Variants in ROBO2 observed in about 807,000 individuals in gnomAD.
The protein encoded by ROBO2 is roundabout homolog 2.
A neutral mutation model predicts 160.8 loss-of-function variants in ROBO2; 53 were observed. That is an observed-to-expected ratio of 0.33 (90% CI 0.26 to 0.41). The LOEUF (loss-of-function observed/expected upper bound fraction) is 0.41. Ranked by LOEUF, ROBO2 falls within the 10% of genes least tolerant of loss-of-function variation. The probability of loss-of-function intolerance (pLI) is 1.00; values close to 1 mark genes in which losing one functional copy is unlikely to be tolerated. For missense variants in ROBO2, 1,577 were observed against 1,722.4 expected (o/e 0.92, Z 1.49); for synonymous variants, 664 against 611.7 (o/e 1.09, Z -1.26).
chr3:77,164,429 A>G (rs1293717265), intron 2 of ROBO2, among the ~76,000 whole-genome samples: 2 of 110,784 alleles, frequency 1.8e-5, no homozygotes, highest in African/African-American at 6.8e-5. Flanking sequence ...CCCGTCCGGG[A>G]GGGAGGTGGG....
chr3:77,247,455 A>T (rs1222351758), intron 2 of ROBO2, among the ~76,000 whole-genome samples: 1 of 152,192 alleles, frequency 6.6e-6, no homozygotes. Flanking sequence ...TGTACTCTAC[A>T]CGTGGAGGCT....
chr3:76,865,434 T>A (rs1449120844), intron 2 of ROBO2, among the ~76,000 whole-genome samples: 1 of 152,116 alleles, frequency 6.6e-6, no homozygotes, highest in Non-Finnish European at 1.5e-5. Flanking sequence ...CTCTGCACAC[T>A]GGTAACAAGC....
At chr3:76,635,496 G>T (rs575684376) in intron 2 of ROBO2, among the ~76,000 whole-genome samples, 1 of 152,192 alleles carries the variant, frequency 6.6e-6, no homozygotes, top group Non-Finnish European at 1.5e-5. Flanking sequence ...CATATTGTAC[G>T]TAAATGGCTG....
intron 2 of ROBO2, among the ~76,000 whole-genome samples, chr3:76,044,926 C>G: frequency 6.6e-6 from 1 of 151,892 alleles, no homozygotes; most frequent in East Asian, 1.9e-4. Flanking sequence ...TGTGCAAAGG[C>G]CTTTAGGTTG....
At chr3:76,701,640 A>G (rs959949774) in intron 2 of ROBO2, among the ~76,000 whole-genome samples, 3 of 152,038 alleles carry the variant, frequency 2.0e-5, no homozygotes, top group African/African-American at 7.2e-5. Context: ...GTAATGATAA[A>G]TTTCACTACC....
chr3:75,980,278 A>G (rs1366836550), intron 2 of ROBO2, among the ~76,000 whole-genome samples: 1 of 151,594 alleles, frequency 6.6e-6, no homozygotes, highest in Non-Finnish European at 1.5e-5. Context: ...TGCCTTCAGA[A>G]TGATGTCAGT....
rs1359542220 is a variant in ROBO2 at position 77,127,751 on chromosome 3, G to A, written c.388+29411G>A. Among the ~76,000 whole-genome samples the A allele has an allele frequency of 2.6e-5, 4 of 152,190 alleles. No homozygotes were observed. In the East Asian group the frequency reaches 7.7e-4, roughly 29 times the overall value. On this transcript the variant is annotated intron_variant, in intron 2 of 25. Coordinates refer to ENST00000461745, the Ensembl canonical transcript of ROBO2. ...CTTGTAGGTTGTGTTATCAGTTAAG[G>A]CTAAAGTTTTGACTTATCCAAGCAG...
At chr3:76,399,948 A>G (rs2077717228) in intron 2 of ROBO2, among the ~76,000 whole-genome samples, 1 of 151,766 alleles carries the variant, frequency 6.6e-6, no homozygotes, top group African/African-American at 2.4e-5. Flanking sequence ...TTCATTTTAA[A>G]ATTGGCTTTA....
chr3:76,109,008 A>G (rs1362488107), intron 2 of ROBO2, among the ~76,000 whole-genome samples: 2 of 151,864 alleles, frequency 1.3e-5, no homozygotes, highest in East Asian at 3.9e-4. Flanking sequence ...ATTTCTCTGT[A>G]TCTTTTTTCG....
chr3:76,596,614 A>G lies in ROBO2; in HGVS notation c.110-501400A>G, dbSNP rs113610998. ...GGCCTTCAAAACAAATTTTTGCCTC[A>G]CTCCCACTGGCACTTGACTGAAGCT... On this transcript the variant is annotated intron_variant, in intron 2 of 26. Transcript: ENST00000487694. Among the ~76,000 whole-genome samples, 526 of 152,128 alleles carry G rather than the reference A, an allele frequency of 3.5e-3. 3 individuals are homozygous for G. Among genetic ancestry groups the G allele is most frequent in the African/African-American group, 0.012 (502 of 41,514 alleles).
chr3:76,061,509 C>T (rs989632800), intron 2 of ROBO2, among the ~76,000 whole-genome samples: 6 of 152,012 alleles, frequency 3.9e-5, no homozygotes, highest in Admixed American at 3.9e-4. Flanking sequence ...TGTATTTGAC[C>T]AGGAGTTATA....
At chr3:76,219,725 C>G (rs868726999) in intron 2 of ROBO2, among the ~76,000 whole-genome samples, 2,835 of 152,106 alleles carry the variant, frequency 0.019, 35 homozygotes, top group Middle Eastern at 0.041. Context: ...TTACACTGTT[C>G]GTGGGACTGT....
chr3:76,818,086 A>G (rs892980556), intron 2 of ROBO2, among the ~76,000 whole-genome samples: 1 of 152,076 alleles, frequency 6.6e-6, no homozygotes, highest in Non-Finnish European at 1.5e-5. Context: ...ACTGTTTTCC[A>G]TAGTGGTTGT....
At chr3:77,232,741 T>C (rs1446468305) in intron 2 of ROBO2, among the ~76,000 whole-genome samples, 3 of 152,148 alleles carry the variant, frequency 2.0e-5, no homozygotes, top group Non-Finnish European at 1.5e-5. Flanking sequence ...ATGGTCTAAC[T>C]TGTACTTTGG....
chr3:76,555,853 G>A (rs1336258873), intron 2 of ROBO2, among the ~76,000 whole-genome samples: 2 of 152,128 alleles, frequency 1.3e-5, no homozygotes, highest in Non-Finnish European at 2.9e-5. Context: ...GGCTGAGGCA[G>A]GAGGAGCACC....
chr3:77,145,846 A>C (rs1218719560), intron 2 of ROBO2, among the ~76,000 whole-genome samples: 2 of 152,174 alleles, frequency 1.3e-5, no homozygotes, highest in Non-Finnish European at 2.9e-5. Context: ...TTTGTTCTTC[A>C]GTCCAGTGTG....
chr3:76,826,983 T>C lies in ROBO2; in HGVS notation c.110-271031T>C, dbSNP rs941234223. On this transcript the variant is annotated intron_variant, in intron 2 of 26. Coordinates refer to the ROBO2 transcript ENST00000487694. ...GTTTGTTTAAATACACTCAGGCTGA[T>C]GTTTGTGTGTTGGGACCTTTGGAGA... is the stretch of plus-strand genomic sequence containing the variant. Among the ~76,000 whole-genome samples, 2 of 152,178 alleles carry C rather than the reference T, an allele frequency of 1.3e-5. 1 individual carries two copies. The highest frequency in any genetic ancestry group is 3.9e-4 in the East Asian group (2 of 5,190).
intron 2 of ROBO2, among the ~76,000 whole-genome samples, chr3:76,205,959 C>T (rs1244038660): frequency 6.6e-6 from 1 of 152,130 alleles, no homozygotes; most frequent in East Asian, 1.9e-4. Context: ...TTTACTAGTC[C>T]ACTTCCCCTT....
intron 2 of ROBO2, among the ~76,000 whole-genome samples, chr3:77,262,154 C>A (rs960442800): frequency 1.3e-5 from 2 of 152,140 alleles, no homozygotes; most frequent in African/African-American, 4.8e-5. Context: ...ACAACTCCAT[C>A]ATTTCATACA....
Sources: gnomAD v4.1 joint callset for allele counts (sites outside exome capture counted in the v4.1 genomes callset) on GRCh38, gnomAD v4.1.1 for gene constraint, MANE v1.5 for transcripts, NCBI Gene and HGNC (gene_info 2026-07-23, HGNC 2026-07-21) for gene names.